Variants in NEGR1 observed in about 807,000 individuals in gnomAD.
NEGR1 encodes the protein IgLON family member 4.
A neutral mutation model predicts 40.9 loss-of-function variants in NEGR1; 10 were observed. The observed-to-expected ratio is 0.24, with a 90% CI of 0.15 to 0.42. The LOEUF (loss-of-function observed/expected upper bound fraction) is 0.42, where lower values mean the gene tolerates loss of function less well. NEGR1 is among the 10% of genes least tolerant of loss of function. The pLI is 1.00. For missense variants in NEGR1, 352 were observed against 438.9 expected (o/e 0.80, Z 1.77); for synonymous variants, 185 against 166.8 (o/e 1.11, Z -0.84).
At chr1:71,642,939 G>C (rs1347768867) in intron 4 of NEGR1, among the ~76,000 whole-genome samples, 5 of 151,880 alleles carry the variant, frequency 3.3e-5, no homozygotes, top group Non-Finnish European at 7.4e-5. Flanking sequence ...GTATTACTGA[G>C]ACTTTTAGGT....
At chr1:71,716,072 CTCAGGAAATTTACAA>C (rs1654264328) in intron 3 of NEGR1, among the ~76,000 whole-genome samples, 1 of 152,086 alleles carries the variant, frequency 6.6e-6, no homozygotes, top group African/African-American at 2.4e-5. Flanking sequence ...CTGAGGCGGC[CTCAGGAAATTTACAA>C]TCATGGTGGA....
In NEGR1 at chr1:72,136,062, A is replaced by C. The variant is rs191360883; in HGVS notation, c.176+146257T>G. Among the ~76,000 whole-genome samples the C allele has an allele frequency of 2.9e-3, 446 of 152,340 alleles. 3 individuals carry two copies. The highest frequency in any genetic ancestry group is 0.01 in the African/African-American group (428 of 41,586). ...GAAAGCACAAAAATGTTATAGGATT[A>C]AAAATGTCAGGCAAACAACAACATA... On this transcript the variant is annotated intron_variant, in intron 1 of 6. Coordinates refer to ENST00000357731, the MANE Select transcript of NEGR1 (RefSeq NM_173808.3).
At chr1:72,176,787 C>G (rs949858278) in intron 1 of NEGR1, among the ~76,000 whole-genome samples, 1 of 151,980 alleles carries the variant, frequency 6.6e-6, no homozygotes, top group African/African-American at 2.4e-5. Flanking sequence ...CTCTATGCCT[C>G]GATAAGGTAT....
intron 2 of NEGR1, among the ~76,000 whole-genome samples, chr1:71,905,965 T>A (rs950299185): frequency 9.9e-5 from 15 of 152,046 alleles, no homozygotes; most frequent in Admixed American, 2.6e-4. Flanking sequence ...AACTTAAGCT[T>A]AGCCAACCAG....
At chr1:71,826,148 T>C (rs1570399850) in intron 2 of NEGR1, among the ~76,000 whole-genome samples, 1 of 151,892 alleles carries the variant, frequency 6.6e-6, no homozygotes, top group East Asian at 1.9e-4. Flanking sequence ...CTAAAATTGT[T>C]TGGATTTTAG....
At chr1:72,266,054 A>G (rs1655627579) in intron 1 of NEGR1, among the ~76,000 whole-genome samples, 1 of 150,972 alleles carries the variant, frequency 6.6e-6, no homozygotes, top group South Asian at 2.1e-4. Flanking sequence ...CGTTTGTGAG[A>G]ATATTTCCCA....
intron 1 of NEGR1, among the ~76,000 whole-genome samples, chr1:72,199,443 G>A (rs1653123974): frequency 1.3e-5 from 2 of 151,988 alleles, no homozygotes; most frequent in South Asian, 2.1e-4. Flanking sequence ...AATAAGTGGA[G>A]AAATTGAGAT....
intron 6 of NEGR1, among the ~76,000 whole-genome samples, chr1:71,565,637 G>GC (rs1287339940): frequency 6.6e-6 from 1 of 152,044 alleles, no homozygotes; most frequent in Non-Finnish European, 1.5e-5. Flanking sequence ...CAGGTACAGT[G>GC]CAGAGACAGA....
chr1:72,164,429 A>C (rs1252667227), intron 1 of NEGR1, among the ~76,000 whole-genome samples: 1 of 152,028 alleles, frequency 6.6e-6, no homozygotes, highest in African/African-American at 2.4e-5. Context: ...AAGCACTGTC[A>C]CACAAACCTC....
Position 71,756,261 on chromosome 1 carries a change from G to A in NEGR1, c.535+19911C>T, listed in dbSNP as rs145993036. Among the ~76,000 whole-genome samples, 816 of 151,852 alleles carry A rather than the reference G, an allele frequency of 5.4e-3. 8 individuals are homozygous for A. The highest frequency in any genetic ancestry group is 0.018 in the African/African-American group (760 of 41,414). ...GTGTCATCTAAGACTTTTTTGAAAGGGTAACATTCCTTATTGCCTTATATC... is the reference window on the plus strand; with the variant it reads ...GTGTCATCTAAGACTTTTTTGAAAGAGTAACATTCCTTATTGCCTTATATC... On this transcript the variant is annotated intron_variant, in intron 3 of 6. Coordinates refer to ENST00000357731, the MANE Select transcript of NEGR1 (RefSeq NM_173808.3).
At chr1:72,159,017 T>G (rs1651460768) in intron 1 of NEGR1, among the ~76,000 whole-genome samples, 2 of 152,164 alleles carry the variant, frequency 1.3e-5, no homozygotes, top group African/African-American at 4.8e-5. Context: ...AAACATCTGC[T>G]GAGACTGCTG....
At chr1:71,428,571 T>G (rs779243404) in intron 6 of NEGR1, among the ~76,000 whole-genome samples, 1 of 151,866 alleles carries the variant, frequency 6.6e-6, no homozygotes, top group Non-Finnish European at 1.5e-5. Context: ...ATAATCAGAA[T>G]AGTTGATTCT....
intron 6 of NEGR1, among the ~76,000 whole-genome samples, chr1:71,591,681 C>A (rs1341597529): frequency 7.2e-5 from 11 of 151,970 alleles, no homozygotes; most frequent in Admixed American, 5.3e-4. Flanking sequence ...TATTGCATGG[C>A]AAGCAATGTT....
chr1:72,009,073 T>C (rs574359617), intron 1 of NEGR1, among the ~76,000 whole-genome samples: 5 of 151,922 alleles, frequency 3.3e-5, no homozygotes, highest in African/African-American at 1.2e-4. Flanking sequence ...TGATCTAATA[T>C]GTTATGGCTA....
At chr1:71,742,475 A>G (rs957817491) in intron 3 of NEGR1, among the ~76,000 whole-genome samples, 7 of 152,282 alleles carry the variant, frequency 4.6e-5, no homozygotes, top group Non-Finnish European at 7.4e-5. Context: ...TGGAAAACAA[A>G]TCATTGAGCT....
chr1:71,436,427 C>T (rs1368519294), intron 6 of NEGR1, among the ~76,000 whole-genome samples: 1 of 152,088 alleles, frequency 6.6e-6, no homozygotes, highest in Non-Finnish European at 1.5e-5. Context: ...AGACAATCTG[C>T]CAGGAGGATT....
intron 1 of NEGR1, among the ~76,000 whole-genome samples, chr1:72,193,058 T>A (rs1285264359): frequency 6.6e-6 from 1 of 151,742 alleles, no homozygotes; most frequent in East Asian, 1.9e-4. Flanking sequence ...CACTCACTAA[T>A]TTGGGTTTTA....
intron 6 of NEGR1, among the ~76,000 whole-genome samples, chr1:71,504,118 T>C (rs903571179): frequency 6.7e-6 from 1 of 148,742 alleles, no homozygotes; most frequent in South Asian, 2.1e-4. Context: ...AAAAATAAAA[T>C]AAAATAAAAA....
chr1:71,660,451 C>T (rs1652018621), intron 4 of NEGR1, among the ~76,000 whole-genome samples: 1 of 152,022 alleles, frequency 6.6e-6, no homozygotes, highest in African/African-American at 2.4e-5. Context: ...ATATAACAAA[C>T]ATTCACATGT....
Sources: allele counts gnomAD v4.1 joint callset (sites outside exome capture counted in the v4.1 genomes callset), GRCh38; gene constraint gnomAD v4.1.1; transcripts MANE v1.5; gene names NCBI Gene and HGNC (gene_info 2026-07-23, HGNC 2026-07-21).